The following PPP2R2C variants were observed in gnomAD, a reference collection of about 807,000 sequenced individuals.
The protein encoded by PPP2R2C is protein phosphatase 2, regulatory subunit B, gamma.
Under a neutral mutation model 45.3 loss-of-function variants are expected in PPP2R2C, and 10 were observed. The ratio of observed to expected loss-of-function variants is 0.22; its 90% CI spans 0.14 to 0.37. The LOEUF (loss-of-function observed/expected upper bound fraction) is 0.37, where lower values mean the gene tolerates loss of function less well. Among genes scored for constraint, PPP2R2C ranks in the 10% least tolerant of loss-of-function variants. The pLI, the probability that PPP2R2C is intolerant of heterozygous loss-of-function variation, is 1.00. For synonymous variants in PPP2R2C, 257 were observed against 245.4 expected (o/e 1.05, Z -0.44); for missense variants, 308 against 619.7 (o/e 0.50, Z 5.34).
At chr4:6,446,382 G>A (rs773352175) in intron 1 of PPP2R2C, among the ~76,000 whole-genome samples, 12 of 152,094 alleles carry the variant, frequency 7.9e-5, no homozygotes, top group Non-Finnish European at 1.6e-4. Flanking sequence ...TTTAACTCCT[G>A]TATGGTTTTA....
chr4:6,518,664 T>A (rs1723907253), intron 2 of PPP2R2C, among the ~76,000 whole-genome samples: 1 of 152,124 alleles, frequency 6.6e-6, no homozygotes, highest in Admixed American at 6.5e-5. Flanking sequence ...GGCTCAGGCC[T>A]GTAATCCCAG....
intron 1 of PPP2R2C, among the ~76,000 whole-genome samples, chr4:6,398,709 T>G (rs1717218589): frequency 6.6e-6 from 1 of 152,000 alleles, no homozygotes; most frequent in Admixed American, 6.6e-5. Context: ...AGCGTGAAAA[T>G]AAGCACGGGT....
chr4:6,369,638 C>T (rs1453876197), intron 5 of PPP2R2C, among the ~76,000 whole-genome samples: 4 of 152,198 alleles, frequency 2.6e-5, no homozygotes, highest in African/African-American at 4.8e-5. Context: ...GCCACAGCTC[C>T]GGCACCTTCT....
At chr4:6,449,618 G>A (rs1230389318) in intron 1 of PPP2R2C, among the ~76,000 whole-genome samples, 2 of 152,220 alleles carry the variant, frequency 1.3e-5, no homozygotes, top group African/African-American at 4.8e-5. Context: ...AAGCAGGCAC[G>A]AGAAAGCAAT....
At chr4:6,475,214 T>C (rs982784725), upstream of PPP2R2C, among the ~76,000 whole-genome samples, 4 of 150,636 alleles carry the variant, frequency 2.7e-5, no homozygotes, top group Non-Finnish European at 5.9e-5. Context: ...GGGATGGAGA[T>C]GGAGATGAAG....
Position 6,554,964 on chromosome 4 carries a change from A to AG in PPP2R2C, c.-59+8595_-59+8596insC, listed in dbSNP as rs1453977210. Among the ~76,000 whole-genome samples, 613 of 142,528 alleles carry AG rather than the reference A, an allele frequency of 4.3e-3. 15 individuals are homozygous for AG. Among genetic ancestry groups the AG allele is most frequent in the South Asian group, 0.037 (152 of 4,136 alleles). 93.5% of individuals were successfully genotyped at this position (142,528 alleles called of 152,430 possible). On this transcript the variant is annotated intron_variant, in intron 1 of 9. Coordinates refer to the PPP2R2C transcript ENST00000506140. ...GAAAGAAAGAAAGAAAGAAAGAAAG[A>AG]AAGAGAAAGAAAGAAAAGAGAAGAG...
At chr4:6,495,712 G>A (rs1020467799) in intron 2 of PPP2R2C, among the ~76,000 whole-genome samples, 3 of 152,232 alleles carry the variant, frequency 2.0e-5, no homozygotes, top group Admixed American at 1.3e-4. Context: ...ATGCCAAGGC[G>A]CTTTGAAACA....
intron 1 of PPP2R2C, among the ~76,000 whole-genome samples, chr4:6,463,596 C>T (rs536084513): frequency 6.6e-6 from 1 of 152,374 alleles, no homozygotes; most frequent in South Asian, 2.1e-4. Flanking sequence ...TGTCCTGCTC[C>T]CGGGCCGGCT....
At chr4:6,346,624 C>T (rs1014149785) in intron 6 of PPP2R2C, among the ~76,000 whole-genome samples, 9 of 152,168 alleles carry the variant, frequency 5.9e-5, no homozygotes, top group South Asian at 2.1e-4. Flanking sequence ...GCGTGACACA[C>T]GGAGCGTGGA....
chr4:6,477,041 C>T (rs546313943), upstream of PPP2R2C, among the ~76,000 whole-genome samples: 1 of 152,138 alleles, frequency 6.6e-6, no homozygotes, highest in African/African-American at 2.4e-5. Flanking sequence ...ATTGCTTGAG[C>T]CCAGGAGTTC....
intron 1 of PPP2R2C, among the ~76,000 whole-genome samples, chr4:6,387,686 G>A (rs1378122481): frequency 6.6e-6 from 1 of 151,986 alleles, no homozygotes; most frequent in Non-Finnish European, 1.5e-5. Flanking sequence ...GGTGGCGGGC[G>A]CCTGTAATCC....
intron 3 of PPP2R2C, among the ~76,000 whole-genome samples, chr4:6,377,253 G>A (rs1256402938): frequency 6.6e-6 from 1 of 152,202 alleles, no homozygotes; most frequent in African/African-American, 2.4e-5. Context: ...TGTTCTCAGG[G>A]GGTTGAGTGG....
chr4:6,417,000 C>T (rs577018153), intron 1 of PPP2R2C, among the ~76,000 whole-genome samples: 409 of 152,322 alleles, frequency 2.7e-3, no homozygotes, highest in Non-Finnish European at 5.0e-3. Context: ...CTCCACTACC[C>T]CCTGCTCCCT....
At position 6,543,665 on chromosome 4, in the gene PPP2R2C, C is replaced by T. The variant is rs568451958; in HGVS notation, c.-58-8288G>A. On this transcript the variant is annotated intron_variant, in intron 1 of 9. Coordinates refer to the PPP2R2C transcript ENST00000506140. Reference sequence around the variant, plus strand: ...CTTAACCAAGCGGCTGACATGGAGACGGAGAAGCAGCTAGGGGCCACCCAG... The same window carrying T: ...CTTAACCAAGCGGCTGACATGGAGATGGAGAAGCAGCTAGGGGCCACCCAG... Among the ~76,000 whole-genome samples, 57 of 152,236 alleles carry T rather than the reference C, an allele frequency of 3.7e-4. 1 individual carries two copies. Among genetic ancestry groups the T allele is most frequent in the Admixed American group, 3.2e-3 (49 of 15,294 alleles).
chr4:6,349,465 T>A lies in PPP2R2C; in HGVS notation c.626-1455A>T, dbSNP rs956914529. On this transcript the variant is annotated intron_variant, in intron 5 of 8. Transcript: ENST00000382599. ...GATGCGTTGCAGAGCTCAATGAATG[T>A]CAGTTTCCATTTTTATTATTTTCTA... 2.3e-5 allele frequency: 23 copies of A among 985,034 alleles called. No individual in the cohort carries two copies. In the East Asian group the frequency reaches 2.6e-3, roughly 112 times the overall value. The allele number at this position is 985,034 out of a possible 1,614,324, so 61.0% of individuals were successfully genotyped here.
At chr4:6,561,014 C>T (rs1389396282) in intron 1 of PPP2R2C, among the ~76,000 whole-genome samples, 4 of 152,208 alleles carry the variant, frequency 2.6e-5, no homozygotes, top group African/African-American at 9.6e-5. Context: ...GTGTATGCAC[C>T]CCAGTGCATC....
intron 1 of PPP2R2C, among the ~76,000 whole-genome samples, chr4:6,432,753 A>G (rs913835102): frequency 6.6e-6 from 1 of 152,224 alleles, no homozygotes; most frequent in Admixed American, 6.5e-5. Context: ...TCACTGCCAA[A>G]TAAGTTAGGA....
chr4:6,513,628 G>A (rs1723739774), intron 2 of PPP2R2C, among the ~76,000 whole-genome samples: 1 of 152,240 alleles, frequency 6.6e-6, no homozygotes, highest in Non-Finnish European at 1.5e-5. Flanking sequence ...GGGTGAGTAT[G>A]AAAGGGACAG....
Position 6,328,947 on chromosome 4 carries a change from G to A in PPP2R2C, c.1052+315C>T, listed in dbSNP as rs922814100. Among the ~76,000 whole-genome samples the A allele has an allele frequency of 3.9e-5, 6 of 152,332 alleles. No homozygotes were observed. The highest frequency in any genetic ancestry group is 6.5e-5 in the Admixed American group (1 of 15,306). ...GTGCTGGGCTATAGCCCTCGCCCCCGACAAGCTGGGAGAGGGGAGCACATC... is the reference window on the plus strand; with the variant it reads ...GTGCTGGGCTATAGCCCTCGCCCCCAACAAGCTGGGAGAGGGGAGCACATC... On this transcript the variant is annotated intron_variant, in intron 8 of 8. Transcript: ENST00000382599. The surrounding 1 kb of genome is among the most constrained non-coding windows in gnomAD (Gnocchi z 4.4).
Sources: allele counts gnomAD v4.1 joint callset (sites outside exome capture counted in the v4.1 genomes callset), GRCh38; gene constraint gnomAD v4.1.1; non-coding constraint Gnocchi (gnomAD v3.1); transcripts MANE v1.5; gene names NCBI Gene and HGNC (gene_info 2026-07-23, HGNC 2026-07-21).